KIF11: variants seen among roughly 807,000 people sequenced by gnomAD.
KIF11 encodes kinesin family member 11, also known as kinesin-like protein KIF11.
KIF11 carries 9 observed loss-of-function variants against 121.0 expected under a neutral mutation model. The observed-to-expected ratio is 0.07, with a 90% confidence interval of 0.04 to 0.13. The LOEUF is 0.13. Ranked by LOEUF, KIF11 falls within the 10% of genes least tolerant of loss-of-function variation. The pLI, the probability that KIF11 is intolerant of heterozygous loss-of-function variation, is 1.00. For synonymous variants in KIF11, 408 were observed against 421.0 expected (o/e 0.97, Z 0.38); for missense variants, 846 against 1,217.5 (o/e 0.69, Z 4.54).
intron 14 of KIF11, among the ~76,000 whole-genome samples, chr10:92,634,176 G>A (rs1318549129): frequency 5.3e-5 from 8 of 151,908 alleles, no homozygotes; most frequent in African/African-American, 1.5e-4. Context: ...GTAGAGATGG[G>A]GTTTCACCGT....
intron 17 of KIF11, among the ~76,000 whole-genome samples, chr10:92,643,999 A>G (rs1406591245): frequency 6.6e-6 from 1 of 152,116 alleles, no homozygotes; most frequent in Non-Finnish European, 1.5e-5. Flanking sequence ...AGTATGTCCT[A>G]CTTTTTATTC....
chr10:92,645,671 T>A, intron 18 of KIF11, 29 bp downstream of exon 18: 1 of 1,473,832 alleles, frequency 6.8e-7, no homozygotes, highest in Non-Finnish European at 9.2e-7. Flanking sequence ...GAACTTACTT[T>A]GGGGAGAATA....
Position 92,649,929 on chromosome 10 carries a change from G to A in KIF11, c.2865G>A (p.Gln955=), listed in dbSNP as rs745830223. The change falls in exon 20 of 22, where the codon CAG becomes CAA. Residue 955 remains glutamine (Q), a synonymous_variant. Coordinates refer to ENST00000260731, the MANE Select transcript of KIF11 (RefSeq NM_004523.4). ...EHLLDQLKRK[Q]PELLMMLNCS... ...TCCTTGATCAGCTGAAAAGGAAACA[G>A]CCTGAGCTGTTAATGATGCTAAACT... 22 of 1,613,544 alleles carry A rather than the reference G, an allele frequency of 1.4e-5. No individual in the cohort carries two copies. The South Asian group carries it at 2.4e-4, about 18-fold the overall frequency.
Position 92,653,713 on chromosome 10 carries a change from C to G in KIF11, c.3088C>G (p.Leu1030Val). 2 of 1,612,804 alleles carry G rather than the reference C, an allele frequency of 1.2e-6. No individual in the cohort carries two copies. The highest frequency in any genetic ancestry group is 1.7e-6 in the Non-Finnish European group (2 of 1,178,842). The change falls in exon 22 of 22, where the codon CTG (leucine) becomes GTG (valine). Residue 1030 changes from leucine (L) to valine (V), a missense_variant. Coordinates refer to ENST00000260731, the MANE Select transcript of KIF11 (RefSeq NM_004523.4). ...KDKENRGINT[L>V]ERSKVEETTE... ...CAAAGAAAACAGAGGCATTAACACA[C>G]TGGAGAGGTCTAAAGTGGAAGAAAC...
chr10:92,633,933 A>G (rs571832416), intron 14 of KIF11, 138 bp downstream of exon 14: 3 of 509,134 alleles, frequency 5.9e-6, no homozygotes, highest in South Asian at 2.4e-5. Context: ...TACTAGACAC[A>G]GTCATAGACA....
At chr10:92,595,212 G>A (rs562151987) in intron 1 of KIF11, among the ~76,000 whole-genome samples, 2 of 152,024 alleles carry the variant, frequency 1.3e-5, no homozygotes, top group Non-Finnish European at 2.9e-5. Context: ...GGCGCACACC[G>A]CCATGCCTGG....
At chr10:92,620,269 A>C (rs1844603390) in intron 9 of KIF11, among the ~76,000 whole-genome samples, 1 of 151,886 alleles carries the variant, frequency 6.6e-6, no homozygotes, top group African/African-American at 2.4e-5. Context: ...TTTAGTAGAG[A>C]CAGGGTTTCA....
chr10:92,608,757 A>G (rs762076311), intron 4 of KIF11, among the ~76,000 whole-genome samples: 1 of 152,126 alleles, frequency 6.6e-6, no homozygotes, highest in African/African-American at 2.4e-5. Flanking sequence ...TTTTAAGTAG[A>G]TAGGTTCCAT....
At chr10:92,615,774 G>T (rs1844548047) in intron 8 of KIF11, among the ~76,000 whole-genome samples, 2 of 150,922 alleles carry the variant, frequency 1.3e-5, no homozygotes, top group Non-Finnish European at 2.9e-5. Context: ...CATCTGTGTT[G>T]TACCAGCAAT....
chr10:92,629,023 C>T (rs1844706797), intron 11 of KIF11, 128 bp downstream of exon 11: 2 of 554,170 alleles, frequency 3.6e-6, no homozygotes, highest in Non-Finnish European at 6.5e-6. Flanking sequence ...CTCTGTCACC[C>T]AGGCTGGAGT....
Position 92,632,481 on chromosome 10 carries a change from T to C in KIF11, c.1495-5T>C, listed in dbSNP as rs775484084. ...TTTGTCTAACACTTATTTTTAAAAA[T>C]ATAGCTGCTTAACACAGTTGAAGAA... On this transcript the variant is annotated splice_polypyrimidine_tract_variant and splice_region_variant and intron_variant, in intron 12 of 21. Coordinates refer to ENST00000260731, the MANE Select transcript of KIF11 (RefSeq NM_004523.4). The C allele has an allele frequency of 6.0e-5, 94 of 1,579,664 alleles. 1 individual carries two copies. In the Admixed American group the frequency reaches 6.0e-4, roughly 10 times the overall value.
At chr10:92,653,599 G>C in intron 21 of KIF11, 66 bp from the exon 22 acceptor site, 1 of 1,421,794 alleles carries the variant, frequency 7.0e-7, no homozygotes, top group Non-Finnish European at 9.6e-7. Flanking sequence ...TTTGAAAATA[G>C]AGTGTAGTTA....
At position 92,645,595 on chromosome 10, in the gene KIF11, G is replaced by C; in HGVS notation, c.2500G>C (p.Val834Leu). 1 of 1,609,960 alleles carries C rather than the reference G, an allele frequency of 6.2e-7. No individual in the cohort carries two copies. Residue 834 changes from valine (V) to leucine (L), a missense_variant, in exon 18 of 22, where the codon GTA becomes CTA. By Grantham distance (32) the Val-to-Leu change is conservative (BLOSUM62 1). This residue lies in a region of KIF11 where 492 missense variants were observed against 603.4 expected (regional missense o/e 0.82). Coordinates refer to ENST00000260731, the MANE Select transcript of KIF11 (RefSeq NM_004523.4). ...AACAGTTTATTTTTCTGAACAGTGG[G>C]TATCTTCCTTAAATGAAAGGGAACA... ...TRTVYFSEQW[V>L]SSLNEREQEL...
intron 4 of KIF11, among the ~76,000 whole-genome samples, chr10:92,607,983 G>A (rs1337652834): frequency 5.3e-5 from 8 of 151,090 alleles, no homozygotes; most frequent in Admixed American, 2.0e-4. Flanking sequence ...GGTGAAACCC[G>A]GTCTCTACTA....
chr10:92,637,978 T>C (rs1844824916), intron 16 of KIF11, among the ~76,000 whole-genome samples: 2 of 152,204 alleles, frequency 1.3e-5, no homozygotes, highest in Non-Finnish European at 2.9e-5. Context: ...ATTTAAAACA[T>C]AGTAAATCGA....
At chr10:92,621,990 C>T (rs963462341) in intron 10 of KIF11, among the ~76,000 whole-genome samples, 2 of 152,120 alleles carry the variant, frequency 1.3e-5, no homozygotes, top group Admixed American at 6.6e-5. Flanking sequence ...AATTATAGTA[C>T]AAGGCTGGAT....
At chr10:92,616,036 A>G (rs1844551694) in intron 8 of KIF11, among the ~76,000 whole-genome samples, 2 of 151,540 alleles carry the variant, frequency 1.3e-5, no homozygotes, top group Non-Finnish European at 2.9e-5. Flanking sequence ...ACAGGGTTTC[A>G]CCATGTTGGC....
intron 1 of KIF11, among the ~76,000 whole-genome samples, chr10:92,602,614 C>A (rs932121544): frequency 2.0e-5 from 3 of 151,926 alleles, no homozygotes; most frequent in Admixed American, 6.6e-5. Context: ...GTTTCCAGTT[C>A]CTTAAGTTGT....
In KIF11 at chr10:92,632,482, A is replaced by G. The variant is rs763466716; in HGVS notation, c.1495-4A>G. On this transcript the variant is annotated splice_polypyrimidine_tract_variant and splice_region_variant and intron_variant, in intron 12 of 21. Coordinates refer to ENST00000260731, the MANE Select transcript of KIF11 (RefSeq NM_004523.4). ...TTGTCTAACACTTATTTTTAAAAATATAGCTGCTTAACACAGTTGAAGAAA... is the reference window on the plus strand; with the variant it reads ...TTGTCTAACACTTATTTTTAAAAATGTAGCTGCTTAACACAGTTGAAGAAA... 6.3e-7 allele frequency: 1 copy of G among 1,580,676 alleles called. No homozygotes were observed. Among genetic ancestry groups the G allele is most frequent in the Non-Finnish European group, 8.7e-7 (1 of 1,153,200 alleles).
Sources: allele counts gnomAD v4.1 joint callset (sites outside exome capture counted in the v4.1 genomes callset), GRCh38; gene constraint gnomAD v4.1.1; regional missense constraint gnomAD v4.1.1; transcripts MANE v1.5; gene names NCBI Gene and HGNC (gene_info 2026-07-23, HGNC 2026-07-21).